ATXN1: variants seen among roughly 807,000 people sequenced by gnomAD.
ATXN1 encodes the protein ataxin 1.
A neutral mutation model predicts 56.4 loss-of-function variants in ATXN1; 8 were observed. The ratio of observed to expected loss-of-function variants is 0.14; its 90% confidence interval spans 0.08 to 0.26. ATXN1 has a LOEUF of 0.26. Ranked by LOEUF, ATXN1 falls within the 10% of genes least tolerant of loss-of-function variation. ATXN1 has a pLI of 1.00. For synonymous variants in ATXN1, 514 were observed against 494.6 expected (o/e 1.04, Z -0.52); for missense variants, 987 against 1,106.5 (o/e 0.89, Z 1.53).
At chr6:16,761,109 C>T (rs1011452729) in intron 1 of ATXN1, 189 bp downstream of exon 1, 12 of 365,012 alleles carry the variant, frequency 3.3e-5, no homozygotes, top group African/African-American at 6.4e-5. Flanking sequence ...GAACACGACG[C>T]GTCGATTTCC....
chr6:16,445,883 A>T (rs1267598847), intron 6 of ATXN1, among the ~76,000 whole-genome samples: 1 of 151,198 alleles, frequency 6.6e-6, no homozygotes, highest in Admixed American at 6.6e-5. Flanking sequence ...ATAGTATTCC[A>T]TGGTGTATAT....
chr6:16,503,555 AT>A (rs1760924590), intron 5 of ATXN1, among the ~76,000 whole-genome samples: 1 of 152,154 alleles, frequency 6.6e-6, no homozygotes, highest in African/African-American at 2.4e-5. Context: ...ATACACATTC[AT>A]TTTTGGCTCA....
intron 5 of ATXN1, among the ~76,000 whole-genome samples, chr6:16,494,831 C>A (rs1356091171): frequency 6.6e-6 from 1 of 152,152 alleles, no homozygotes; most frequent in East Asian, 1.9e-4. Flanking sequence ...TATTCCTGGC[C>A]TTATTTGTTC....
At chr6:16,366,973 G>A (rs75396966) in intron 6 of ATXN1, among the ~76,000 whole-genome samples, 1,930 of 152,058 alleles carry the variant, frequency 0.013, 36 homozygotes, top group East Asian at 0.07. Context: ...TGACTTTTAA[G>A]AACAATCTCA....
intron 6 of ATXN1, among the ~76,000 whole-genome samples, chr6:16,349,778 T>C (rs943988604): frequency 3.3e-5 from 5 of 152,236 alleles, no homozygotes; most frequent in African/African-American, 1.2e-4. Context: ...AAGCCTTGTT[T>C]GCAGAACAAA....
At chr6:16,456,621 C>T (rs1372668051) in intron 6 of ATXN1, among the ~76,000 whole-genome samples, 2 of 152,224 alleles carry the variant, frequency 1.3e-5, no homozygotes, top group African/African-American at 2.4e-5. Context: ...ATAGCCCAAA[C>T]AAGACTCACC....
At chr6:16,542,739 T>A (rs528140556) in intron 4 of ATXN1, among the ~76,000 whole-genome samples, 79 of 152,334 alleles carry the variant, frequency 5.2e-4, no homozygotes, top group African/African-American at 1.9e-3. Context: ...CCTAAAACCA[T>A]GAATAGTACC....
rs572741695 is a variant in ATXN1 at position 16,304,192 on chromosome 6, C to T, written c.*2137G>A. The T allele has an allele frequency of 3.9e-5, 6 of 152,046 alleles. No homozygotes were observed. Among genetic ancestry groups the T allele is most frequent in the East Asian group, 3.9e-4 (2 of 5,170 alleles). The allele number at this position is 152,046 out of a possible 1,614,324, so 9.4% of individuals were successfully genotyped here. On this transcript the variant is annotated 3_prime_UTR_variant, in exon 8 of 8. Coordinates refer to ENST00000436367, the MANE Select transcript of ATXN1 (RefSeq NM_001128164.2). ...CAGATTTTTTTTTTAATTTGTGAAA[C>T]GAAGAAAGTACTATTTTCAATGGGG...
At chr6:16,651,736 G>A (rs966129348) in intron 3 of ATXN1, among the ~76,000 whole-genome samples, 9 of 152,174 alleles carry the variant, frequency 5.9e-5, no homozygotes, top group African/African-American at 2.2e-4. Flanking sequence ...GGAGGAAGTT[G>A]GAAATCATTG....
At chr6:16,704,940 C>G (rs904444284) in intron 2 of ATXN1, among the ~76,000 whole-genome samples, 1 of 152,198 alleles carries the variant, frequency 6.6e-6, no homozygotes, top group Non-Finnish European at 1.5e-5. Flanking sequence ...GTGAATCAAG[C>G]GACCACACTG....
chr6:16,388,894 A>C (rs144810498), intron 6 of ATXN1, among the ~76,000 whole-genome samples: 83 of 152,342 alleles, frequency 5.4e-4, no homozygotes, highest in African/African-American at 2.0e-3. Flanking sequence ...ACTGTAAGAA[A>C]TATATAATTA....
chr6:16,440,458 C>A (rs114399679), intron 6 of ATXN1, among the ~76,000 whole-genome samples: 7,935 of 148,290 alleles, frequency 0.054, 682 homozygotes, highest in African/African-American at 0.18. Flanking sequence ...AAAAAAAAAA[C>A]CATTTTCTAG....
chr6:16,730,506 T>TATATATAA lies in ATXN1; in HGVS notation c.-615+22726_-615+22727insTTATATAT, dbSNP rs1367623215. The stretch of plus-strand genomic sequence containing the variant: ...CAGTATGTATATATATATATATATA[T>TATATATAA]AAATGTATTTATACATATATAATGT... On this transcript the variant is annotated intron_variant, in intron 2 of 7. Coordinates refer to ENST00000436367, the MANE Select transcript of ATXN1 (RefSeq NM_001128164.2). 1.6e-3 allele frequency among the ~76,000 whole-genome samples: 236 copies of TATATATAA among 147,124 alleles called. 4 individuals carry two copies. The highest frequency in any genetic ancestry group is 4.9e-3 in the African/African-American group (200 of 40,564).
At chr6:16,500,473 G>A (rs1760861587) in intron 5 of ATXN1, among the ~76,000 whole-genome samples, 1 of 152,128 alleles carries the variant, frequency 6.6e-6, no homozygotes, top group South Asian at 2.1e-4. Context: ...TGGGACGAGG[G>A]GATAACAACT....
intron 4 of ATXN1, among the ~76,000 whole-genome samples, chr6:16,526,061 A>G (rs956026633): frequency 7.9e-6 from 1 of 127,326 alleles, no homozygotes; most frequent in African/African-American, 3.1e-5. Flanking sequence ...ATATATATAT[A>G]TATACATACA....
intron 5 of ATXN1, among the ~76,000 whole-genome samples, chr6:16,513,119 A>G (rs564858797): frequency 4.6e-5 from 7 of 152,356 alleles, no homozygotes; most frequent in Non-Finnish European, 1.0e-4. Flanking sequence ...CGCCAACAGA[A>G]CTAATCTCAT....
intron 2 of ATXN1, among the ~76,000 whole-genome samples, chr6:16,669,419 G>C (rs1209338021): frequency 6.6e-6 from 1 of 152,164 alleles, no homozygotes; most frequent in African/African-American, 2.4e-5. Context: ...GGGAAAGGGC[G>C]TGGCGTACAC....
intron 6 of ATXN1, among the ~76,000 whole-genome samples, chr6:16,393,483 C>T (rs1000403987): frequency 6.6e-6 from 1 of 152,120 alleles, no homozygotes; most frequent in Non-Finnish European, 1.5e-5. Flanking sequence ...GATCTTCCTA[C>T]CTTGGCCTTC....
chr6:16,471,408 G>C (rs1760214179), intron 6 of ATXN1, among the ~76,000 whole-genome samples: 1 of 152,176 alleles, frequency 6.6e-6, no homozygotes, highest in Non-Finnish European at 1.5e-5. Context: ...TTAGAGCTCG[G>C]CATTCCTGAG....
Sources: allele counts gnomAD v4.1 joint callset (sites outside exome capture counted in the v4.1 genomes callset), GRCh38; gene constraint gnomAD v4.1.1; transcripts MANE v1.5; gene names NCBI Gene and HGNC (gene_info 2026-07-23, HGNC 2026-07-21).